The following PALM2AKAP2 variants were observed in gnomAD, a reference collection of about 807,000 sequenced individuals.
PALM2AKAP2 encodes PALM2-AKAP2 fusion protein.
A neutral mutation model predicts 71.5 loss-of-function variants in PALM2AKAP2; 37 were observed. The observed-to-expected ratio is 0.52, with a 90% confidence interval of 0.40 to 0.68. The LOEUF is 0.68. PALM2AKAP2 is among the 30% of genes least tolerant of loss of function. PALM2AKAP2 has a pLI of 0.00. For missense variants in PALM2AKAP2, 1,224 were observed against 1,191.8 expected, an observed-to-expected ratio of 1.03 and a Z score of -0.40; for synonymous variants, 468 against 478.8, an observed-to-expected ratio of 0.98 and a Z score of 0.29.
intron 1 of PALM2AKAP2, among the ~76,000 whole-genome samples, chr9:109,734,074 G>A (rs77177204): frequency 0.043 from 6,482 of 152,286 alleles, 187 homozygotes; most frequent in Non-Finnish European, 0.053. Context: ...AAGTAAGCCC[G>A]AGGGGGAGAC....
At chr9:109,920,384 T>C (rs1468381907) in intron 3 of PALM2AKAP2, among the ~76,000 whole-genome samples, 2 of 151,678 alleles carry the variant, frequency 1.3e-5, no homozygotes, top group Non-Finnish European at 2.9e-5. Flanking sequence ...TTTTTTTTTT[T>C]TTTTTGAGAT....
chr9:110,139,129 C>T (rs919364542), intron 2 of PALM2AKAP2, among the ~76,000 whole-genome samples: 2 of 152,152 alleles, frequency 1.3e-5, no homozygotes, highest in African/African-American at 4.8e-5. Flanking sequence ...CAGGAGTGGA[C>T]GCATCTGTTC....
intron 1 of PALM2AKAP2, among the ~76,000 whole-genome samples, chr9:110,121,841 G>C (rs755421338): frequency 2.0e-5 from 3 of 152,128 alleles, no homozygotes; most frequent in African/African-American, 7.2e-5. Flanking sequence ...CCTCTCACAG[G>C]CTTTCTTGAG....
At chr9:110,099,994 A>C (rs1437255873) in intron 1 of PALM2AKAP2, among the ~76,000 whole-genome samples, 4 of 137,666 alleles carry the variant, frequency 2.9e-5, no homozygotes, top group Non-Finnish European at 4.6e-5. Flanking sequence ...CACACATATA[A>C]CATGCATATA....
chr9:109,843,134 C>T (rs1336578610), intron 1 of PALM2AKAP2, among the ~76,000 whole-genome samples: 1 of 48,240 alleles, frequency 2.1e-5, no homozygotes, highest in Non-Finnish European at 3.8e-5. Context: ...GAATGAAACT[C>T]GGTCTCAAAA....
At chr9:109,695,316 C>T (rs1827954339) in intron 1 of PALM2AKAP2, among the ~76,000 whole-genome samples, 1 of 152,108 alleles carries the variant, frequency 6.6e-6, no homozygotes, top group African/African-American at 2.4e-5. Flanking sequence ...GATGTATTCC[C>T]AGCGGTGGGA....
chr9:109,851,209 C>CAACA (rs1351473290), intron 1 of PALM2AKAP2, among the ~76,000 whole-genome samples: 1 of 144,902 alleles, frequency 6.9e-6, no homozygotes, highest in Non-Finnish European at 1.5e-5. Context: ...ACAACAACAA[C>CAACA]AAAAAAAAAA....
chr9:110,008,695 C>T (rs1832826019), intron 6 of PALM2AKAP2, among the ~76,000 whole-genome samples: 1 of 152,030 alleles, frequency 6.6e-6, no homozygotes, highest in African/African-American at 2.4e-5. Flanking sequence ...GTTTAGTTCT[C>T]ACTCATATTA....
At chr9:109,830,371 T>C (rs964771133) in intron 1 of PALM2AKAP2, among the ~76,000 whole-genome samples, 13 of 151,988 alleles carry the variant, frequency 8.6e-5, no homozygotes, top group African/African-American at 2.9e-4. Flanking sequence ...TGCCTAGGGG[T>C]TGAGAGCAGG....
At chr9:109,725,187 G>A (rs887246203) in intron 1 of PALM2AKAP2, among the ~76,000 whole-genome samples, 3 of 152,094 alleles carry the variant, frequency 2.0e-5, no homozygotes, top group Admixed American at 6.6e-5. Context: ...AACATGGTGG[G>A]AACAGTATCA....
At chr9:110,025,468 T>C in intron 7 of PALM2AKAP2, 1 of 635,948 alleles carries the variant, frequency 1.6e-6, no homozygotes, top group Non-Finnish European at 2.8e-6. Flanking sequence ...GCAGTAAGTA[T>C]TCTTGCTATG....
chr9:110,072,915 C>T (rs949867451), intron 1 of PALM2AKAP2, among the ~76,000 whole-genome samples: 2 of 152,098 alleles, frequency 1.3e-5, no homozygotes, highest in East Asian at 1.9e-4. Flanking sequence ...TAACTTTGCA[C>T]GTGACCATTT....
chr9:110,112,838 C>A (rs1835280767), intron 1 of PALM2AKAP2, among the ~76,000 whole-genome samples: 1 of 152,238 alleles, frequency 6.6e-6, no homozygotes, highest in South Asian at 2.1e-4. Context: ...CTACAGCTAT[C>A]AAGAGTACTG....
intron 3 of PALM2AKAP2, among the ~76,000 whole-genome samples, chr9:109,890,174 A>G (rs1379429765): frequency 6.6e-6 from 1 of 152,236 alleles, no homozygotes; most frequent in South Asian, 2.1e-4. Context: ...GCAGCAGACA[A>G]GATGGTGTCT....
At chr9:110,116,553 G>A (rs890545676) in intron 1 of PALM2AKAP2, among the ~76,000 whole-genome samples, 1 of 152,250 alleles carries the variant, frequency 6.6e-6, no homozygotes, top group Admixed American at 6.5e-5. Context: ...TTCTCTACTT[G>A]ACTGATCAGT....
intron 1 of PALM2AKAP2, among the ~76,000 whole-genome samples, chr9:109,833,291 G>T (rs1828362796): frequency 6.6e-6 from 1 of 152,202 alleles, no homozygotes; most frequent in Non-Finnish European, 1.5e-5. Context: ...GGAGGCGGAA[G>T]TTGCAGTAAG....
At chr9:109,987,351 G>A (rs958875116) in intron 6 of PALM2AKAP2, among the ~76,000 whole-genome samples, 13 of 151,956 alleles carry the variant, frequency 8.6e-5, no homozygotes, top group Non-Finnish European at 1.3e-4. Flanking sequence ...GGCTGGTCTC[G>A]AAATCCTGAC....
chr9:109,868,738 G>T (rs765082295), intron 2 of PALM2AKAP2, among the ~76,000 whole-genome samples: 26 of 152,190 alleles, frequency 1.7e-4, no homozygotes, highest in Non-Finnish European at 2.9e-4. Flanking sequence ...TTAAAAGGAA[G>T]AAAAGCAGCA....
intron 1 of PALM2AKAP2, among the ~76,000 whole-genome samples, chr9:109,724,140 A>T (rs1372211872): frequency 6.6e-6 from 1 of 152,202 alleles, no homozygotes; most frequent in Non-Finnish European, 1.5e-5. Context: ...CAATAATAAA[A>T]TAAATAGCAA....
Sources: allele counts gnomAD v4.1 joint callset (sites outside exome capture counted in the v4.1 genomes callset), GRCh38; gene constraint gnomAD v4.1.1; transcripts MANE v1.5; gene names NCBI Gene and HGNC (gene_info 2026-07-23, HGNC 2026-07-21).